Variants in DYNLT5 observed in about 807,000 individuals in gnomAD.
DYNLT5 encodes dynein light chain Tctex-type 5.
In DYNLT5, 25 loss-of-function variants were observed where a neutral mutation model predicts 19.3. That is an observed-to-expected ratio of 1.30 (90% CI 0.95 to 1.81). The LOEUF (loss-of-function observed/expected upper bound fraction) is 1.81. Ranked by LOEUF, DYNLT5 falls within the 40% of genes most tolerant of loss-of-function variation. DYNLT5 has a pLI of 0.00. For synonymous variants in DYNLT5, 82 were observed against 68.9 expected (o/e 1.19, Z -0.94); for missense variants, 232 against 217.9 (o/e 1.06, Z -0.41).
chr1:66,773,405 C>T (rs1033554864), intron 3 of DYNLT5, among the ~76,000 whole-genome samples: 1 of 152,196 alleles, frequency 6.6e-6, no homozygotes, highest in Non-Finnish European at 1.5e-5. Context: ...CTGTCAATCT[C>T]TCAGCATTGA....
At chr1:66,768,326 TTAA>T (rs1645179741) in intron 2 of DYNLT5, among the ~76,000 whole-genome samples, 1 of 152,174 alleles carries the variant, frequency 6.6e-6, no homozygotes, top group Non-Finnish European at 1.5e-5. Flanking sequence ...ACAACTGAGG[TTAA>T]TAATTTTTTG....
intron 3 of DYNLT5, among the ~76,000 whole-genome samples, chr1:66,775,855 G>C (rs1645231403): frequency 6.6e-6 from 1 of 152,206 alleles, no homozygotes; most frequent in South Asian, 2.1e-4. Context: ...GGGGCACTGT[G>C]GTAGCGGGAG....
At chr1:66,770,736 C>CCTG in intron 3 of DYNLT5, 1 of 525,430 alleles carries the variant, frequency 1.9e-6, no homozygotes, top group South Asian at 1.9e-5. Flanking sequence ...CAGTATACTA[C>CCTG]TGACTTAACA....
At chr1:66,773,375 A>G (rs1471676672) in intron 3 of DYNLT5, among the ~76,000 whole-genome samples, 2 of 152,144 alleles carry the variant, frequency 1.3e-5, no homozygotes, top group African/African-American at 4.8e-5. Context: ...CCCTGTCTCT[A>G]TGTCAGGTTT....
chr1:66,777,155 G>A (rs1248804434), intron 4 of DYNLT5, 96 bp from the exon 5 acceptor site: 4 of 1,017,858 alleles, frequency 3.9e-6, no homozygotes, highest in East Asian at 2.4e-5. Flanking sequence ...AATGCATCAT[G>A]CTATTAAATT....
chr1:66,775,861 G>C (rs1459128517), intron 3 of DYNLT5, among the ~76,000 whole-genome samples: 1 of 152,306 alleles, frequency 6.6e-6, no homozygotes, highest in African/African-American at 2.4e-5. Flanking sequence ...CTGTGGTAGC[G>C]GGAGAAGGGG....
chr1:66,766,917 T>G (rs953568788), intron 2 of DYNLT5, among the ~76,000 whole-genome samples: 1 of 152,126 alleles, frequency 6.6e-6, no homozygotes, highest in African/African-American at 2.4e-5. Context: ...TCCTCACTTA[T>G]CAGTGGGAGC....
In DYNLT5 at chr1:66,777,568, AG is replaced by A. The variant is rs1187413254; in HGVS notation, c.*115del. On this transcript the variant is annotated 3_prime_UTR_variant, in exon 5 of 5. Transcript: ENST00000282670. ...AGAAAGAAACAACACTGATATTTCAAGCAACTGGAAGCTTTTGAATTTTTTC... is the reference window on the plus strand; with the variant it reads ...AGAAAGAAACAACACTGATATTTCAACAACTGGAAGCTTTTGAATTTTTTC... 4.7e-6 allele frequency: 4 copies of A among 851,386 alleles called. No individual in the cohort carries two copies. The African/African-American group carries it at 5.1e-5, about 11-fold the overall frequency. The allele number at this position is 851,386 out of a possible 1,614,324, so 52.7% of individuals were successfully genotyped here.
intron 2 of DYNLT5, among the ~76,000 whole-genome samples, chr1:66,758,387 G>A (rs2094640195): frequency 6.6e-6 from 1 of 151,734 alleles, no homozygotes; most frequent in Non-Finnish European, 1.5e-5. Context: ...AGGATCATGT[G>A]ACATGATGTC....
chr1:66,772,778 A>C (rs183126792), intron 3 of DYNLT5, among the ~76,000 whole-genome samples: 3 of 152,346 alleles, frequency 2.0e-5, no homozygotes, highest in Admixed American at 2.0e-4. Flanking sequence ...AGAAAAGGGA[A>C]TAGAAAAGGA....
chr1:66,762,663 C>T (rs2094648023), intron 2 of DYNLT5, among the ~76,000 whole-genome samples: 1 of 152,228 alleles, frequency 6.6e-6, no homozygotes, highest in Admixed American at 6.5e-5. Context: ...ACATCTATGA[C>T]AGCAATAGCC....
chr1:66,753,772 G>A (rs888213447), intron 1 of DYNLT5, among the ~76,000 whole-genome samples: 1 of 150,406 alleles, frequency 6.6e-6, no homozygotes, highest in East Asian at 2.0e-4. Context: ...AACACAGAAA[G>A]ATCTTGTCTC....
At chr1:66,767,192 C>T (rs1645162944) in intron 2 of DYNLT5, among the ~76,000 whole-genome samples, 1 of 151,624 alleles carries the variant, frequency 6.6e-6, no homozygotes, top group Non-Finnish European at 1.5e-5. Flanking sequence ...AGAAAATTTA[C>T]TCCTCAAAGC....
intron 4 of DYNLT5, among the ~76,000 whole-genome samples, 157 bp downstream of exon 4, chr1:66,776,560 G>GTGTGTGTGTGTGTGTGTGT (rs1557875500): frequency 1.6e-5 from 2 of 126,690 alleles, no homozygotes; most frequent in African/African-American, 5.5e-5. Context: ...TGTGTGTGTG[G>GTGTGTGTGTGTGTGTGTGT]GTGTGTGTGT....
chr1:66,778,018 T>C lies in DYNLT5; in HGVS notation c.*564T>C, dbSNP rs1431684602. The C allele has an allele frequency of 6.5e-6, 1 of 152,730 alleles. No homozygotes were observed. The highest frequency in any genetic ancestry group is 1.9e-4 in the East Asian group (1 of 5,202). The allele number at this position is 152,730 out of a possible 1,614,324, so 9.5% of individuals were successfully genotyped here. On this transcript the variant is annotated 3_prime_UTR_variant, in exon 5 of 5. Coordinates refer to ENST00000282670, the MANE Select transcript of DYNLT5 (RefSeq NM_152665.3). ...GGTAGAATTAATGGCTTCATAACAA[T>C]TATCGTGGTCCCACGGGCTGCAAGC...
chr1:66,776,554 T>C (rs1194886310), intron 4 of DYNLT5, 151 bp downstream of exon 4: 107 of 809,916 alleles, frequency 1.3e-4, no homozygotes, highest in Non-Finnish European at 1.8e-4. Context: ...TATATGTGTG[T>C]GTGTGGGTGT....
At chr1:66,760,515 C>G (rs971620486) in intron 2 of DYNLT5, among the ~76,000 whole-genome samples, 1 of 152,190 alleles carries the variant, frequency 6.6e-6, no homozygotes, top group Non-Finnish European at 1.5e-5. Flanking sequence ...ACATAAGATG[C>G]ATTTACAGCA....
In DYNLT5 at chr1:66,777,244, T is replaced by G; in HGVS notation, c.337-7T>G. ...AATGAAGACCCTCCCTTTTTTTAAA[T>G]TTCTAGGTTATTAAAGCCCAGGTCA... is the stretch of plus-strand genomic sequence containing the variant. On this transcript the variant is annotated splice_polypyrimidine_tract_variant and splice_region_variant and intron_variant, in intron 4 of 4. Transcript: ENST00000282670. 2 of 1,605,302 alleles carry G rather than the reference T, an allele frequency of 1.2e-6. No homozygotes were observed. The highest frequency in any genetic ancestry group is 1.7e-6 in the Non-Finnish European group (2 of 1,173,606).
chr1:66,756,715 A>G (rs1276249660), intron 2 of DYNLT5, among the ~76,000 whole-genome samples: 5 of 152,138 alleles, frequency 3.3e-5, no homozygotes, highest in African/African-American at 1.2e-4. Flanking sequence ...TGATTAGGAT[A>G]CAGTCCCAAA....
Sources: gnomAD v4.1 joint callset for allele counts (sites outside exome capture counted in the v4.1 genomes callset) on GRCh38, gnomAD v4.1.1 for gene constraint, MANE v1.5 for transcripts, NCBI Gene and HGNC (gene_info 2026-07-23, HGNC 2026-07-21) for gene names.